ACBD3: variants seen among roughly 807,000 people sequenced by gnomAD.
ACBD3 encodes the protein acyl-CoA binding domain containing 3.
In ACBD3, 30 loss-of-function variants were observed where a neutral mutation model predicts 66.9. That is an observed-to-expected ratio of 0.45 (90% confidence interval 0.34 to 0.61). The LOEUF is 0.61. ACBD3 is among the 20% of genes least tolerant of loss of function. The probability of loss-of-function intolerance (pLI) is 0.02; values close to 1 mark genes in which losing one functional copy is unlikely to be tolerated. For missense variants in ACBD3, 544 were observed against 664.5 expected (o/e 0.82, Z 1.99); for synonymous variants, 278 against 259.8 (o/e 1.07, Z -0.68).
In ACBD3 at chr1:226,152,578, G is replaced by A; in HGVS notation, c.1132C>T (p.Pro378Ser). The change falls in exon 7 of 8, where the codon CCT becomes TCT. Residue 378 changes from proline to serine, a missense_variant. Pro to Ser is a moderately conservative substitution (Grantham distance 74, BLOSUM62 -1). Around this residue, in one of 3 missense-constraint regions of ACBD3, gnomAD observed 383 missense variants for 462.4 expected, o/e 0.83. Coordinates refer to ENST00000366812, the MANE Select transcript of ACBD3 (RefSeq NM_022735.4). The part of the protein sequence containing the change: ...VIAAPSMWTR[P>S]QIKDFKEKIQ... ...TTCTCTTTGAAGTCTTTGATCTGAG[G>A]TCGTGTCCACATGGATGGAGCTGCT... 1 of 1,614,172 alleles carries A rather than the reference G, an allele frequency of 6.2e-7. No individual in the cohort carries two copies. Among genetic ancestry groups the A allele is most frequent in the Non-Finnish European group, 8.5e-7 (1 of 1,180,046 alleles).
At chr1:226,165,551 C>T (rs1659861806) in intron 2 of ACBD3, among the ~76,000 whole-genome samples, 1 of 151,904 alleles carries the variant, frequency 6.6e-6, no homozygotes, top group Admixed American at 6.6e-5. Flanking sequence ...TTTTTTTATG[C>T]CTCAATAAGG....
chr1:226,177,666 C>G (rs751365068), intron 1 of ACBD3, among the ~76,000 whole-genome samples: 41 of 151,998 alleles, frequency 2.7e-4, no homozygotes, highest in Non-Finnish European at 6.0e-4. Flanking sequence ...AGAGTCTGAA[C>G]AGGTTGTCCG....
intron 1 of ACBD3, among the ~76,000 whole-genome samples, chr1:226,179,014 T>C (rs562454407): frequency 6.6e-6 from 1 of 152,320 alleles, no homozygotes; most frequent in Admixed American, 6.5e-5. Context: ...TCACAAAATA[T>C]GTATTGTGTT....
At position 226,159,277 on chromosome 1, in the gene ACBD3, G is replaced by T. The variant is rs376198228; in HGVS notation, c.810C>A (p.Tyr270Ter). 1 of 1,614,172 alleles carries T rather than the reference G, an allele frequency of 6.2e-7. No individual in the cohort carries two copies. Among genetic ancestry groups the T allele is most frequent in the Admixed American group, 1.7e-5 (1 of 60,022 alleles). ...GGCGGATGAGAATTTGCTGCTGTTC[G>T]TAGTTCCCTGGATACTGTTGGGCTG... The part of the protein sequence containing the change: ...QYAAQQYPGN[Y>*]EQQQILIRQL... The change falls in exon 5 of 8, where the codon TAC becomes TAA. Residue 270 changes from tyrosine (Y) to a stop codon, truncating the protein, a stop_gained. Transcript: ENST00000366812. LOFTEE classifies it high-confidence loss of function.
intron 3 of ACBD3, among the ~76,000 whole-genome samples, chr1:226,163,454 G>T (rs1659808322): frequency 6.6e-6 from 1 of 151,826 alleles, no homozygotes; most frequent in South Asian, 2.1e-4. Flanking sequence ...TCCAGTTAAA[G>T]AAATCTCATT....
chr1:226,180,924 A>C (rs1299221244), intron 1 of ACBD3, among the ~76,000 whole-genome samples: 1 of 151,048 alleles, frequency 6.6e-6, no homozygotes, highest in African/African-American at 2.4e-5. Flanking sequence ...GCTTGAACCC[A>C]GGAGGCAGAG....
Position 226,186,504 on chromosome 1 carries a change from G to C in ACBD3, c.172C>G (p.Pro58Ala). ...GRGPGASGEQ[P>A]EPGEAAAGGA... Reference sequence around the variant, plus strand: ...CCAGCCGCCGCCTCCCCGGGCTCGGGCTGCTCCCCTGAGGCGCCCGGGCCG... The same window carrying C: ...CCAGCCGCCGCCTCCCCGGGCTCGGCCTGCTCCCCTGAGGCGCCCGGGCCG... Residue 58 changes from proline to alanine, a missense_variant, in exon 1 of 8, where the codon CCC (proline) becomes GCC (alanine). Pro to Ala is a conservative substitution (Grantham distance 27). This residue lies in a region of ACBD3 where 137 missense variants were observed against 145.9 expected (regional missense o/e 0.94). Transcript: ENST00000366812. The C allele has an allele frequency of 6.8e-7, 1 of 1,471,524 alleles. No individual in the cohort carries two copies. The highest frequency in any genetic ancestry group is 2.4e-5 in the Admixed American group (1 of 41,192). The allele number at this position is 1,471,524 out of a possible 1,614,324, so 91.2% of individuals were successfully genotyped here.
chr1:226,170,002 C>G (rs1279116954), intron 1 of ACBD3, among the ~76,000 whole-genome samples: 1 of 120,718 alleles, frequency 8.3e-6, no homozygotes, highest in East Asian at 2.4e-4. Flanking sequence ...GCCTAAGAAA[C>G]AGAGCGAGAT....
intron 5 of ACBD3, among the ~76,000 whole-genome samples, chr1:226,156,525 T>TACAC (rs371958737): frequency 2.0e-4 from 30 of 151,784 alleles, no homozygotes; most frequent in African/African-American, 7.2e-4. Flanking sequence ...CACGCACACA[T>TACAC]ACACACACAC....
At chr1:226,169,185 C>T (rs1248617201) in intron 1 of ACBD3, among the ~76,000 whole-genome samples, 1 of 151,660 alleles carries the variant, frequency 6.6e-6, no homozygotes, top group African/African-American at 2.4e-5. Flanking sequence ...TAACAAATGG[C>T]GATAATTTGA....
intron 1 of ACBD3, among the ~76,000 whole-genome samples, chr1:226,172,201 C>CAAAAAAAA (rs1558129702): frequency 4.7e-5 from 5 of 107,096 alleles, no homozygotes; most frequent in Admixed American, 9.6e-5. Context: ...TAGTCCTGGT[C>CAAAAAAAA]AGGCAAACAG....
intron 5 of ACBD3, among the ~76,000 whole-genome samples, chr1:226,157,706 A>AT (rs908907038): frequency 5.3e-5 from 8 of 149,796 alleles, no homozygotes; most frequent in Admixed American, 6.6e-5. Flanking sequence ...TGCCCAGCTA[A>AT]TTTTTTTTTT....
intron 4 of ACBD3, among the ~76,000 whole-genome samples, chr1:226,160,352 C>T (rs1044823514): frequency 6.6e-6 from 1 of 152,060 alleles, no homozygotes; most frequent in Non-Finnish European, 1.5e-5. Flanking sequence ...CCTCGGCCTC[C>T]CAAAGTGCTG....
chr1:226,155,307 C>T (rs920109796), intron 5 of ACBD3, among the ~76,000 whole-genome samples: 3 of 151,698 alleles, frequency 2.0e-5, no homozygotes, highest in Admixed American at 1.3e-4. Flanking sequence ...ATCCCAGCTA[C>T]TTGGGAGGCT....
At chr1:226,186,251 G>A in intron 1 of ACBD3, 139 bp downstream of exon 1, 3 of 1,155,488 alleles carry the variant, frequency 2.6e-6, no homozygotes, top group Non-Finnish European at 3.4e-6. Context: ...TACCCCCAAG[G>A]AGGGAACCCC....
intron 1 of ACBD3, among the ~76,000 whole-genome samples, chr1:226,182,286 C>T (rs1023712157): frequency 1.3e-5 from 2 of 151,862 alleles, no homozygotes; most frequent in African/African-American, 4.8e-5. Context: ...CCAGTGGTTC[C>T]TCATCTTCTA....
At chr1:226,170,282 C>T (rs1325727434) in intron 1 of ACBD3, among the ~76,000 whole-genome samples, 8 of 149,400 alleles carry the variant, frequency 5.4e-5, no homozygotes, top group Non-Finnish European at 7.4e-5. Context: ...CTCAGCCTCC[C>T]GAGTAGCTGG....
chr1:226,150,382 CTTTTT>C (rs961784244), intron 7 of ACBD3, among the ~76,000 whole-genome samples: 1 of 151,470 alleles, frequency 6.6e-6, no homozygotes. Context: ...CAGGCTTTTT[CTTTTT>C]TTTATTTTTG....
chr1:226,162,969 GTATTTTTTTTT>G (rs1558126769), intron 3 of ACBD3, among the ~76,000 whole-genome samples: 1 of 151,278 alleles, frequency 6.6e-6, no homozygotes, highest in Non-Finnish European at 1.5e-5. Flanking sequence ...GCTAATTTTT[GTATTTTTTTTT>G]TGTAGAGATG....
Sources: gnomAD v4.1 joint callset for allele counts (sites outside exome capture counted in the v4.1 genomes callset) on GRCh38, gnomAD v4.1.1 for gene constraint, gnomAD v4.1.1 regional missense constraint, MANE v1.5 for transcripts, NCBI Gene and HGNC (gene_info 2026-07-23, HGNC 2026-07-21) for gene names.